ITIH5: variants seen among roughly 807,000 people sequenced by gnomAD.
ITIH5 encodes inter-alpha-trypsin inhibitor heavy chain H5.
In ITIH5, 65 loss-of-function variants were observed where a neutral mutation model predicts 77.5. The observed-to-expected ratio is 0.84, with a 90% CI of 0.69 to 1.03. ITIH5 has a LOEUF of 1.03. Among genes scored for constraint, ITIH5 ranks in the 50% least tolerant of loss-of-function variants. ITIH5 has a pLI of 0.00. For synonymous variants in ITIH5, 525 were observed against 494.3 expected, an observed-to-expected ratio of 1.06 and a Z score of -0.82; for missense variants, 1,208 against 1,213.1, an observed-to-expected ratio of 1.00 and a Z score of 0.06.
chr10:7,595,994 C>T (rs868287612), intron 7 of ITIH5, among the ~76,000 whole-genome samples: 2 of 152,108 alleles, frequency 1.3e-5, no homozygotes, highest in Non-Finnish European at 2.9e-5. Flanking sequence ...GGCAACAGAG[C>T]GAGACTCCGT....
rs1564277261 is a variant in ITIH5, at chr10:7,644,398, C to CACATATATCAT, written c.136-2309_136-2308insATGATATATGT. On this transcript the variant is annotated intron_variant, in intron 2 of 13. Coordinates refer to ENST00000397146, the MANE Select transcript of ITIH5 (RefSeq NM_030569.7). ...TATATCACATATATCACATATATCA[C>CACATATATCAT]ATATATCACATATATCATATATATC... Among the ~76,000 whole-genome samples the CACATATATCAT allele has an allele frequency of 1.1e-3, 132 of 123,278 alleles. 3 individuals carry two copies. The highest frequency in any genetic ancestry group is 4.0e-3 in the African/African-American group (123 of 30,402). 80.9% of individuals were successfully genotyped at this position (123,278 alleles called of 152,430 possible). A position where few individuals can be genotyped will look rare whatever the true frequency, so the allele number is the denominator to read the frequency against.
rs1321596165 is a variant in ITIH5, at chr10:7,561,768, C to T, written c.*1315G>A. On this transcript the variant is annotated 3_prime_UTR_variant, in exon 14 of 14. Transcript: ENST00000397146. ...CATGCCTTCTCATTTCACGCGGGGGCTGCTCTGGTGTCAAGCCCCGTGGAA... is the reference window on the plus strand; with the variant it reads ...CATGCCTTCTCATTTCACGCGGGGGTTGCTCTGGTGTCAAGCCCCGTGGAA... 6.6e-6 allele frequency: 1 copy of T among 152,244 alleles called. No homozygotes were observed. The highest frequency in any genetic ancestry group is 1.5e-5 in the Non-Finnish European group (1 of 68,064). 9.4% of individuals were successfully genotyped at this position (152,244 alleles called of 1,614,324 possible). A position where few individuals can be genotyped will look rare whatever the true frequency, so the allele number is the denominator to read the frequency against.
intron 5 of ITIH5, chr10:7,618,693 G>A (rs1049440471): frequency 6.6e-6 from 1 of 152,208 alleles, no homozygotes; most frequent in South Asian, 2.1e-4. Context: ...CAAGTTGATA[G>A]CATGAAATAG....
intron 4 of ITIH5, among the ~76,000 whole-genome samples, chr10:7,638,099 C>T (rs1013435515): frequency 6.6e-6 from 1 of 152,150 alleles, no homozygotes; most frequent in Non-Finnish European, 1.5e-5. Flanking sequence ...TTCCAGAAGG[C>T]TTGGGGTGTT....
At chr10:7,575,869 T>C (rs1358412419) in intron 10 of ITIH5, among the ~76,000 whole-genome samples, 1 of 152,254 alleles carries the variant, frequency 6.6e-6, no homozygotes, top group Non-Finnish European at 1.5e-5. Context: ...AGTTTATTGA[T>C]GCTTTATTGA....
Position 7,572,307 on chromosome 10 carries a change from T to C in ITIH5, c.2032+835A>G, listed in dbSNP as rs745948656. 1.2e-5 allele frequency: 16 copies of C among 1,366,580 alleles called. No homozygotes were observed. The Admixed American group carries it at 3.1e-4, about 26-fold the overall frequency. 84.7% of individuals were successfully genotyped at this position (1,366,580 alleles called of 1,614,324 possible). A position where few individuals can be genotyped will look rare whatever the true frequency, so the allele number is the denominator to read the frequency against. ...CAAAACCCAGTCATAGGTTGTTCTT[T>C]CCTCTGAATTTTTATTATAGTTCCA... is the stretch of plus-strand genomic sequence containing the variant. On this transcript the variant is annotated intron_variant, in intron 11 of 13. Coordinates refer to ENST00000397146, the MANE Select transcript of ITIH5 (RefSeq NM_030569.7).
At chr10:7,653,497 C>A (rs1246504947) in intron 2 of ITIH5, among the ~76,000 whole-genome samples, 1 of 151,964 alleles carries the variant, frequency 6.6e-6, no homozygotes, top group East Asian at 1.9e-4. Context: ...CGTGAGCCAT[C>A]GAGCCTGGCA....
At chr10:7,564,308 T>C (rs1387523602) in intron 13 of ITIH5, among the ~76,000 whole-genome samples, 1 of 152,258 alleles carries the variant, frequency 6.6e-6, no homozygotes, top group East Asian at 1.9e-4. Context: ...CTAATGTTCA[T>C]ATTACATATA....
intron 1 of ITIH5, among the ~76,000 whole-genome samples, chr10:7,661,290 C>T (rs1834272571): frequency 6.6e-6 from 1 of 152,186 alleles, no homozygotes. Context: ...CAGCCAAACA[C>T]CTTCAACTGA....
chr10:7,628,880 AGCGTGTGTCCGTGTTGTG>A (rs1833644307), intron 5 of ITIH5, among the ~76,000 whole-genome samples: 1 of 127,530 alleles, frequency 7.8e-6, no homozygotes, highest in African/African-American at 2.9e-5. Flanking sequence ...TCCGTGTTGT[AGCGTGTGTCCGTGTTGTG>A]GCATGCATCC....
At chr10:7,630,452 C>T (rs1054695398) in intron 5 of ITIH5, among the ~76,000 whole-genome samples, 3 of 152,166 alleles carry the variant, frequency 2.0e-5, no homozygotes, top group Non-Finnish European at 4.4e-5. Flanking sequence ...CAGCAATGTA[C>T]GAGGGTCCTA....
chr10:7,579,704 C>T (rs1260535219), intron 9 of ITIH5, 51 bp downstream of exon 9: 1 of 1,569,676 alleles, frequency 6.4e-7, no homozygotes, highest in Non-Finnish European at 8.7e-7. Context: ...ACCGCAGCCA[C>T]CCCTCAGCCC....
chr10:7,568,502 C>T (rs1234648974), intron 12 of ITIH5, among the ~76,000 whole-genome samples: 1 of 152,220 alleles, frequency 6.6e-6, no homozygotes, highest in Admixed American at 6.5e-5. Flanking sequence ...CCCTATCTTG[C>T]TCCTGAGCCC....
Position 7,617,185 on chromosome 10 carries a change from G to A in ITIH5, c.750C>T (p.Ala250=). 1 of 1,607,026 alleles carries A rather than the reference G, an allele frequency of 6.2e-7. No homozygotes were observed. Among genetic ancestry groups the A allele is most frequent in the Admixed American group, 1.7e-5 (1 of 58,802 alleles). Residue 250 remains alanine, a synonymous_variant, in exon 6 of 14, where the codon GCC becomes GCT. Coordinates refer to ENST00000397146, the MANE Select transcript of ITIH5 (RefSeq NM_030569.7). ...TAAAGTCTCCCAAAATTCCATTCTGGGCAATCCTGGCTTGTTGTACTACAG... is the reference window on the plus strand; with the variant it reads ...TAAAGTCTCCCAAAATTCCATTCTGAGCAATCCTGGCTTGTTGTACTACAG... ...KPTVVQQARI[A]QNGILGDFII...
At chr10:7,644,429 T>G (rs988022881) in intron 2 of ITIH5, among the ~76,000 whole-genome samples, 2 of 140,386 alleles carry the variant, frequency 1.4e-5, no homozygotes, top group South Asian at 2.1e-4. Context: ...ATATCACATA[T>G]ATCATATATA....
intron 9 of ITIH5, among the ~76,000 whole-genome samples, chr10:7,579,006 C>T (rs887097778): frequency 6.6e-6 from 1 of 152,178 alleles, no homozygotes; most frequent in African/African-American, 2.4e-5. Context: ...CATAACAGTA[C>T]TCTGCTACTT....
At chr10:7,641,696 GGGAGGGAGGGAGAGAGGGAGGGAA>G (rs1833891256) in intron 3 of ITIH5, among the ~76,000 whole-genome samples, 1 of 127,198 alleles carries the variant, frequency 7.9e-6, no homozygotes, top group Non-Finnish European at 1.7e-5. Flanking sequence ...GAGGGAGGGA[GGGAGGGAGGGAGAGAGGGAGGGAA>G]GGAGGGAGGG....
At chr10:7,569,358 C>T (rs1832251642) in intron 12 of ITIH5, 1 of 239,364 alleles carries the variant, frequency 4.2e-6, no homozygotes, top group African/African-American at 2.2e-5. Context: ...ATTTAAAAAA[C>T]AACTTCATAA....
chr10:7,651,311 C>A (rs542842741), intron 2 of ITIH5, among the ~76,000 whole-genome samples: 1 of 152,178 alleles, frequency 6.6e-6, no homozygotes, highest in Non-Finnish European at 1.5e-5. Flanking sequence ...CGGCTGGGCA[C>A]GGTGGCTCAC....
Sources: allele counts gnomAD v4.1 joint callset (sites outside exome capture counted in the v4.1 genomes callset), GRCh38; gene constraint gnomAD v4.1.1; transcripts MANE v1.5; gene names NCBI Gene and HGNC (gene_info 2026-07-23, HGNC 2026-07-21).